The following ATP6V1G1 variants were observed in gnomAD, a reference collection of about 807,000 sequenced individuals.
ATP6V1G1 encodes the protein V-type proton ATPase subunit G 1.
A neutral mutation model predicts 14.2 loss-of-function variants in ATP6V1G1; 14 were observed. That is an observed-to-expected ratio of 0.99 (90% CI 0.65 to 1.55). The LOEUF (loss-of-function observed/expected upper bound fraction) is 1.55, where lower values mean the gene tolerates loss of function less well. ATP6V1G1 is among the 40% of genes most tolerant of loss of function. ATP6V1G1 has a pLI of 0.00. For synonymous variants in ATP6V1G1, 65 were observed against 53.3 expected (o/e 1.22, Z -0.96); for missense variants, 137 against 146.4 (o/e 0.94, Z 0.33).
intron 1 of ATP6V1G1, among the ~76,000 whole-genome samples, chr9:114,591,472 T>C (rs1465232422): frequency 2.6e-5 from 4 of 152,118 alleles, no homozygotes; most frequent in Admixed American, 1.3e-4. Context: ...ATGTGAAGGA[T>C]TGGGGTACAG....
chr9:114,591,437 C>T (rs1448684777), intron 1 of ATP6V1G1, among the ~76,000 whole-genome samples: 1 of 152,074 alleles, frequency 6.6e-6, no homozygotes, highest in African/African-American at 2.4e-5. Flanking sequence ...GAAATACAGC[C>T]CATTATAGCT....
At position 114,592,589 on chromosome 9, in the gene ATP6V1G1, T is replaced by C. The variant is rs1845193864; in HGVS notation, c.120T>C (p.Ala40=). 6.4e-7 allele frequency: 1 copy of C among 1,574,046 alleles called. No homozygotes were observed. Among genetic ancestry groups the C allele is most frequent in the Non-Finnish European group, 8.6e-7 (1 of 1,159,116 alleles). ...NRRLKQAKEE[A]QAEIEQYRLQ... ...GGCTGAAGCAGGCCAAAGAAGAAGC[T>C]CAGGCTGAAATTGAACAGTACCGCC... Residue 40 remains alanine, a synonymous_variant, in exon 2 of 3, where the codon GCT becomes GCC. Transcript: ENST00000374050.
In ATP6V1G1 at chr9:114,592,652, G is replaced by A. The variant is rs766544680; in HGVS notation, c.183G>A (p.Ala61=). 8 of 1,570,350 alleles carry A rather than the reference G, an allele frequency of 5.1e-6. No homozygotes were observed. The highest frequency in any genetic ancestry group is 2.3e-5 in the East Asian group (1 of 42,914). The change falls in exon 2 of 3, where the codon GCG becomes GCA. Residue 61 remains alanine, a splice_region_variant and synonymous_variant. Transcript: ENST00000374050. ...REKEFKAKEA[A]ALGSRGSCST... The stretch of plus-strand genomic sequence containing the variant: ...AAGAATTCAAGGCCAAGGAAGCTGC[G>A]GTGGGGCACCATTTGTTTTTGTTAC...
chr9:114,588,194 G>A, intron 1 of ATP6V1G1: 1 of 477,444 alleles, frequency 2.1e-6, no homozygotes, highest in African/African-American at 2.0e-5. Flanking sequence ...TCTCCAAACG[G>A]AGCTCTTTGT....
At chr9:114,591,197 G>C (rs1845179025) in intron 1 of ATP6V1G1, among the ~76,000 whole-genome samples, 1 of 152,244 alleles carries the variant, frequency 6.6e-6, no homozygotes, top group Admixed American at 6.5e-5. Flanking sequence ...CAAGATTTAA[G>C]AGAAATACGA....
intron 2 of ATP6V1G1, among the ~76,000 whole-genome samples, chr9:114,593,615 G>A (rs181738540): frequency 6.6e-6 from 1 of 152,216 alleles, no homozygotes; most frequent in African/African-American, 2.4e-5. Flanking sequence ...CCCCTGCCCA[G>A]CCTTCTGAGT....
At position 114,592,549 on chromosome 9, in the gene ATP6V1G1, C is replaced by G; in HGVS notation, c.83-3C>G. 6.4e-7 allele frequency: 1 copy of G among 1,559,536 alleles called. No individual in the cohort carries two copies. The highest frequency in any genetic ancestry group is 8.7e-7 in the Non-Finnish European group (1 of 1,151,804). ...CTGATATAGCTCTCTCCTTTGAAAA[C>G]AGGAAAGAACCGGAGGCTGAAGCAG... On this transcript the variant is annotated splice_polypyrimidine_tract_variant and splice_region_variant and intron_variant, in intron 1 of 2. Transcript: ENST00000374050.
At position 114,598,182 on chromosome 9, in the gene ATP6V1G1, C is replaced by T. The variant is rs1845261606; in HGVS notation, c.*439C>T. On this transcript the variant is annotated 3_prime_UTR_variant, in exon 3 of 3. Transcript: ENST00000374050. ...AAAGTAGTAAATAGTTCTTTGTAAC[C>T]TGTGTGAAGCAGCAGCCAGCCTTAA... The T allele has an allele frequency of 6.6e-6, 1 of 152,492 alleles. No homozygotes were observed. The highest frequency in any genetic ancestry group is 6.6e-5 in the Admixed American group (1 of 15,254). 9.4% of individuals were successfully genotyped at this position (152,492 alleles called of 1,614,324 possible). A position where few individuals can be genotyped will look rare whatever the true frequency, so the allele number is the denominator to read the frequency against.
chr9:114,594,729 T>G (rs1845218032), intron 2 of ATP6V1G1, among the ~76,000 whole-genome samples: 1 of 152,140 alleles, frequency 6.6e-6, no homozygotes, highest in South Asian at 2.1e-4. Context: ...GGCACAGGCC[T>G]AGGAGGTCCC....
chr9:114,597,363 GT>G (rs1845250409), intron 2 of ATP6V1G1, among the ~76,000 whole-genome samples: 1 of 152,194 alleles, frequency 6.6e-6, no homozygotes. Context: ...GGAATACTGT[GT>G]AGTTTACTTT....
rs1250645543 is a variant in ATP6V1G1, at chr9:114,592,642, A to G, written c.173A>G (p.Lys58Arg). ...CAGAGGGAGAAAGAATTCAAGGCCA[A>G]GGAAGCTGCGGTGGGGCACCATTTG... ...RLQREKEFKAKEAAALGSRGS... is the reference protein window; with the variant it reads ...RLQREKEFKAREAAALGSRGS... The change falls in exon 2 of 3, where the codon AAG becomes AGG. Residue 58 changes from lysine to arginine, a missense_variant. Lys to Arg is a conservative substitution (Grantham distance 26, BLOSUM62 2). Coordinates refer to ENST00000374050, the MANE Select transcript of ATP6V1G1 (RefSeq NM_004888.4). 3 of 1,575,354 alleles carry G rather than the reference A, an allele frequency of 1.9e-6. No homozygotes were observed. The highest frequency in any genetic ancestry group is 2.3e-5 in the East Asian group (1 of 43,264).
chr9:114,590,210 A>C (rs1394819827), intron 1 of ATP6V1G1, among the ~76,000 whole-genome samples: 4 of 151,416 alleles, frequency 2.6e-5, no homozygotes, highest in Non-Finnish European at 5.9e-5. Context: ...AAAAAAAAAA[A>C]AAACAAAAAA....
intron 1 of ATP6V1G1, 148 bp downstream of exon 1, chr9:114,588,068 G>C: frequency 1.2e-6 from 1 of 864,940 alleles, no homozygotes; most frequent in Non-Finnish European, 1.7e-6. Context: ...GCTTTGAGGA[G>C]CTGAGGCTCT....
At chr9:114,588,730 G>GCTTC (rs1473700592) in intron 1 of ATP6V1G1, among the ~76,000 whole-genome samples, 1 of 152,090 alleles carries the variant, frequency 6.6e-6, no homozygotes, top group Middle Eastern at 3.2e-3. Context: ...ACTGGGGAGT[G>GCTTC]GAAGAACCCG....
Position 114,597,556 on chromosome 9 carries a change from C to T in ATP6V1G1, c.184-14C>T, listed in dbSNP as rs763341718. 6.7e-7 allele frequency: 1 copy of T among 1,486,116 alleles called. No individual in the cohort carries two copies. The highest frequency in any genetic ancestry group is 8.9e-7 in the Non-Finnish European group (1 of 1,117,696). The allele number at this position is 1,486,116 out of a possible 1,614,324, so 92.1% of individuals were successfully genotyped here. ...TTCTGATAATCCCTCCGTGACATCA[C>T]TCCCCATCTCCAGGCATTGGGATCC... is the stretch of plus-strand genomic sequence containing the variant. On this transcript the variant is annotated splice_polypyrimidine_tract_variant and intron_variant, in intron 2 of 2. Transcript: ENST00000374050.
At chr9:114,594,065 AT>A (rs57752605) in intron 2 of ATP6V1G1, among the ~76,000 whole-genome samples, 1,647 of 135,256 alleles carry the variant, frequency 0.012, 12 homozygotes, top group Non-Finnish European at 0.019. Context: ...CATCATCTTC[AT>A]TTTTTTTTTT....
chr9:114,591,176 C>T (rs1316084676), intron 1 of ATP6V1G1, among the ~76,000 whole-genome samples: 3 of 152,080 alleles, frequency 2.0e-5, no homozygotes, highest in African/African-American at 7.2e-5. Flanking sequence ...ATATGTAAGG[C>T]CCAAGAAGAA....
In ATP6V1G1 at chr9:114,592,599, A is replaced by G; in HGVS notation, c.130A>G (p.Ile44Val). ...GGCCAAAGAAGAAGCTCAGGCTGAA[A>G]TTGAACAGTACCGCCTGCAGAGGGA... The part of the protein sequence containing the change: ...KQAKEEAQAE[I>V]EQYRLQREKE... Residue 44 changes from isoleucine to valine, a missense_variant, in exon 2 of 3, where the codon ATT (isoleucine) becomes GTT (valine). Ile to Val is a conservative substitution (Grantham distance 29). Transcript: ENST00000374050. 1 of 1,576,988 alleles carries G rather than the reference A, an allele frequency of 6.3e-7. No homozygotes were observed. The highest frequency in any genetic ancestry group is 8.6e-7 in the Non-Finnish European group (1 of 1,160,596).
In ATP6V1G1 at chr9:114,587,778, G is replaced by A. The variant is rs761602615; in HGVS notation, c.-61G>A. 9.2e-6 allele frequency: 14 copies of A among 1,518,658 alleles called. No individual in the cohort carries two copies. Among genetic ancestry groups the A allele is most frequent in the African/African-American group, 1.4e-5 (1 of 72,430 alleles). 94.1% of individuals were successfully genotyped at this position (1,518,658 alleles called of 1,614,324 possible). On this transcript the variant is annotated 5_prime_UTR_variant, in exon 1 of 3. Coordinates refer to ENST00000374050, the MANE Select transcript of ATP6V1G1 (RefSeq NM_004888.4). Reference sequence around the variant, plus strand: ...CAGATTGTGGGCGGCTGTGTCAGCTGACCCAAGGGGCCTTCGAGGTGCCTT... The same window carrying A: ...CAGATTGTGGGCGGCTGTGTCAGCTAACCCAAGGGGCCTTCGAGGTGCCTT...
Sources: gnomAD v4.1 joint callset for allele counts (sites outside exome capture counted in the v4.1 genomes callset) on GRCh38, gnomAD v4.1.1 for gene constraint, MANE v1.5 for transcripts, NCBI Gene and HGNC (gene_info 2026-07-23, HGNC 2026-07-21) for gene names.